Variants in ERBB4 observed in about 807,000 individuals in gnomAD.
The protein encoded by ERBB4 is receptor tyrosine-protein kinase erbB-4.
In ERBB4, 42 loss-of-function variants were observed where a neutral mutation model predicts 158.0. The ratio of observed to expected loss-of-function variants is 0.27; its 90% CI spans 0.21 to 0.34. ERBB4 has a LOEUF of 0.34. Ranked by LOEUF, ERBB4 falls within the 10% of genes least tolerant of loss-of-function variation. ERBB4 has a pLI of 1.00. For missense variants in ERBB4, 1,333 were observed against 1,624.1 expected (o/e 0.82, Z 3.08); for synonymous variants, 583 against 558.7 (o/e 1.04, Z -0.61).
In ERBB4 at chr2:211,915,435, T is replaced by TTATATATATATATATATA. The variant is rs1289522405; in HGVS notation, c.421+31994_421+31995insTATATATATATATATATA. Among the ~76,000 whole-genome samples, 496 of 135,444 alleles carry TTATATATATATATATATA rather than the reference T, an allele frequency of 3.7e-3. 1 individual carries two copies. The highest frequency in any genetic ancestry group is 5.5e-3 in the Non-Finnish European group (361 of 66,126). The allele number at this position is 135,444 out of a possible 152,430, so 88.9% of individuals were successfully genotyped here. A position where few individuals can be genotyped will look rare whatever the true frequency, so the allele number is the denominator to read the frequency against. The stretch of plus-strand genomic sequence containing the variant: ...AAGGCAAACTAACAGAGTTCAAACA[T>TTATATATATATATATATA]TACATATATATATATATATATCTCC... On this transcript the variant is annotated intron_variant, in intron 3 of 27. Transcript: ENST00000342788.
chr2:211,470,564 G>T lies in ERBB4; in HGVS notation c.2488-39464C>A, dbSNP rs187112784. ...TTTATTTAATTTTTTAAATTTAATT[G>T]TTTTGATACCTCAGTTTTCTAATCA... On this transcript the variant is annotated intron_variant, in intron 20 of 27. Transcript: ENST00000342788. Among the ~76,000 whole-genome samples the T allele has an allele frequency of 7.1e-3, 1,076 of 152,028 alleles. 12 individuals are homozygous for T. Among genetic ancestry groups the T allele is most frequent in the South Asian group, 0.04 (192 of 4,818 alleles).
intron 20 of ERBB4, among the ~76,000 whole-genome samples, chr2:211,509,562 A>G (rs901413587): frequency 6.6e-6 from 1 of 152,116 alleles, no homozygotes; most frequent in Non-Finnish European, 1.5e-5. Context: ...CCAAGTCCCC[A>G]AAAGTAATTA....
chr2:212,538,681 G>A lies in ERBB4; in HGVS notation c.-151C>T, dbSNP rs1188331853. Reference sequence around the variant, plus strand: ...GCGCGGTGTGGCGACTCCCAGGGCGGGCGACCGAGTCCGCGCCCGCGGGTC... The same window carrying A: ...GCGCGGTGTGGCGACTCCCAGGGCGAGCGACCGAGTCCGCGCCCGCGGGTC... On this transcript the variant is annotated 5_prime_UTR_variant, in exon 1 of 28. Coordinates refer to ENST00000342788, the MANE Select transcript of ERBB4 (RefSeq NM_005235.3). The A allele has an allele frequency of 3.4e-6, 2 of 583,208 alleles. No homozygotes were observed. Among genetic ancestry groups the A allele is most frequent in the African/African-American group, 4.0e-5 (2 of 50,352 alleles). The allele number at this position is 583,208 out of a possible 1,614,324, so 36.1% of individuals were successfully genotyped here.
intron 1 of ERBB4, among the ~76,000 whole-genome samples, chr2:212,393,371 A>G (rs1055921880): frequency 2.6e-5 from 4 of 152,104 alleles, no homozygotes; most frequent in Admixed American, 2.6e-4. Flanking sequence ...ACATATATGA[A>G]TCAAAACCAC....
intron 3 of ERBB4, among the ~76,000 whole-genome samples, chr2:211,853,697 A>G (rs1306714850): frequency 1.3e-5 from 2 of 152,054 alleles, no homozygotes; most frequent in African/African-American, 4.8e-5. Context: ...AGCATACACA[A>G]CAAAAACTCC....
At chr2:211,710,328 G>A (rs113645882) in intron 9 of ERBB4, among the ~76,000 whole-genome samples, 1,528 of 150,988 alleles carry the variant, frequency 0.01, 25 homozygotes, top group African/African-American at 0.035. Flanking sequence ...TTATTTCTCA[G>A]AAGACATTAT....
intron 19 of ERBB4, among the ~76,000 whole-genome samples, chr2:211,602,549 A>G (rs988458657): frequency 2.6e-5 from 4 of 152,036 alleles, no homozygotes; most frequent in Non-Finnish European, 4.4e-5. Context: ...AACACAACTC[A>G]AACAAAGTAT....
intron 2 of ERBB4, among the ~76,000 whole-genome samples, chr2:212,078,787 T>A (rs188818836): frequency 6.6e-6 from 1 of 151,516 alleles, no homozygotes; most frequent in Admixed American, 6.6e-5. Flanking sequence ...ATTAAAACAA[T>A]CACTAATATG....
intron 1 of ERBB4, among the ~76,000 whole-genome samples, chr2:212,369,210 G>A (rs2090000310): frequency 6.6e-6 from 1 of 152,152 alleles, no homozygotes; most frequent in Non-Finnish European, 1.5e-5. Context: ...TTGATAAATT[G>A]CATGATTATA....
At chr2:212,001,263 C>T (rs746412990) in intron 2 of ERBB4, among the ~76,000 whole-genome samples, 3 of 152,072 alleles carry the variant, frequency 2.0e-5, no homozygotes, top group Non-Finnish European at 4.4e-5. Context: ...TGCTTCATTT[C>T]ATACCAATAG....
chr2:211,887,733 A>G (rs73073339), intron 3 of ERBB4, among the ~76,000 whole-genome samples: 5,902 of 152,224 alleles, frequency 0.039, 169 homozygotes, highest in African/African-American at 0.072. Flanking sequence ...AAATTTATTG[A>G]TCCTGCAAAG....
chr2:212,086,554 G>A (rs2078619197), intron 2 of ERBB4, among the ~76,000 whole-genome samples: 1 of 151,844 alleles, frequency 6.6e-6, no homozygotes, highest in African/African-American at 2.4e-5. Flanking sequence ...TTAATTTTAT[G>A]AATGTGGTAA....
intron 1 of ERBB4, among the ~76,000 whole-genome samples, chr2:212,530,760 T>C (rs1430727997): frequency 1.3e-5 from 2 of 152,178 alleles, no homozygotes; most frequent in Non-Finnish European, 2.9e-5. Flanking sequence ...TATCCACCTA[T>C]ACTAGAAGCA....
chr2:212,112,697 A>C (rs187012649), intron 2 of ERBB4, among the ~76,000 whole-genome samples: 4 of 152,302 alleles, frequency 2.6e-5, no homozygotes, highest in Admixed American at 2.0e-4. Flanking sequence ...ACTTATTCAT[A>C]GGGTTGTAAT....
At chr2:211,914,252 TTTC>T (rs1365744896) in intron 3 of ERBB4, among the ~76,000 whole-genome samples, 1 of 151,388 alleles carries the variant, frequency 6.6e-6, no homozygotes, top group Non-Finnish European at 1.5e-5. Flanking sequence ...ATAACATATT[TTTC>T]TTTTTTTTTT....
chr2:212,501,364 G>A (rs565470063), intron 1 of ERBB4, among the ~76,000 whole-genome samples: 8 of 152,074 alleles, frequency 5.3e-5, no homozygotes, highest in Non-Finnish European at 1.2e-4. Context: ...AATGTAAACT[G>A]ATGATACTTC....
intron 20 of ERBB4, among the ~76,000 whole-genome samples, chr2:211,510,245 A>C (rs1221580244): frequency 6.6e-6 from 1 of 152,170 alleles, no homozygotes; most frequent in Non-Finnish European, 1.5e-5. Flanking sequence ...CTCACTTATA[A>C]GTGGCAGCTA....
intron 20 of ERBB4, among the ~76,000 whole-genome samples, chr2:211,558,492 A>G (rs2067297879): frequency 6.6e-6 from 1 of 152,222 alleles, no homozygotes; most frequent in Non-Finnish European, 1.5e-5. Context: ...TTTAACATGT[A>G]AAGCAACATT....
chr2:211,848,591 GA>G (rs2077645617), intron 3 of ERBB4, among the ~76,000 whole-genome samples: 1 of 151,996 alleles, frequency 6.6e-6, no homozygotes, highest in Non-Finnish European at 1.5e-5. Context: ...TGGATAAACT[GA>G]AGGGAGAACA....
Sources: allele counts gnomAD v4.1 joint callset (sites outside exome capture counted in the v4.1 genomes callset), GRCh38; gene constraint gnomAD v4.1.1; transcripts MANE v1.5; gene names NCBI Gene and HGNC (gene_info 2026-07-23, HGNC 2026-07-21).